Variants in ITCH observed in about 807,000 individuals in gnomAD.
ITCH encodes the protein itchy E3 ubiquitin protein ligase.
A neutral mutation model predicts 126.8 loss-of-function variants in ITCH; 28 were observed. That is an observed-to-expected ratio of 0.22 (90% CI 0.16 to 0.30). The LOEUF is 0.30. Among genes scored for constraint, ITCH ranks in the 10% least tolerant of loss-of-function variants. ITCH has a pLI of 1.00. For synonymous variants in ITCH, 342 were observed against 340.0 expected (o/e 1.01, Z -0.06); for missense variants, 631 against 1,032.4 (o/e 0.61, Z 5.33).
chr20:34,492,373 G>A, intron 22 of ITCH, 128 bp from the exon 23 acceptor site: 1 of 617,814 alleles, frequency 1.6e-6, no homozygotes, highest in South Asian at 1.8e-5. Context: ...CCCCAGCCTG[G>A]GCCACAGAGC....
intron 2 of ITCH, among the ~76,000 whole-genome samples, chr20:34,385,086 C>T (rs1285640493): frequency 1.3e-5 from 2 of 151,754 alleles, no homozygotes; most frequent in South Asian, 2.1e-4. Context: ...GTGATCTCAG[C>T]TCACTGTAAC....
intron 23 of ITCH, among the ~76,000 whole-genome samples, chr20:34,496,813 A>AG (rs1010869105): frequency 1.3e-5 from 2 of 151,792 alleles, no homozygotes; most frequent in African/African-American, 4.8e-5. Flanking sequence ...CAAAAAAAAA[A>AG]AAAAAAAAGA....
At position 34,440,222 on chromosome 20, in the gene ITCH, GACAAAT is replaced by G. The variant is rs752161809; in HGVS notation, c.763_768del (p.Asn255_Thr256del). 188 of 1,613,320 alleles carry G rather than the reference GACAAAT, an allele frequency of 1.2e-4. No homozygotes were observed. Among genetic ancestry groups the G allele is most frequent in the Middle Eastern group, 1.6e-4 (1 of 6,084 alleles). ...GGTCTAGTACAGGCTCTCTGCCGCC[GACAAAT>G]ACAAATACAAATACATCTGAAGGAG... On this transcript the variant is annotated inframe_deletion, in exon 9 of 25. Coordinates refer to ENST00000374864, the MANE Select transcript of ITCH (RefSeq NM_031483.7).
intron 6 of ITCH, among the ~76,000 whole-genome samples, chr20:34,421,331 G>A (rs929238784): frequency 3.9e-5 from 6 of 152,158 alleles, no homozygotes; most frequent in Admixed American, 3.3e-4. Flanking sequence ...AAATAGGAAC[G>A]ATGTGTTAAA....
chr20:34,394,930 T>G (rs2038620071), intron 3 of ITCH, among the ~76,000 whole-genome samples: 1 of 151,844 alleles, frequency 6.6e-6, no homozygotes. Context: ...CAGGTCCAGG[T>G]CTGTTAAAAG....
chr20:34,428,410 G>T (rs1267778506), intron 7 of ITCH, among the ~76,000 whole-genome samples: 1 of 152,098 alleles, frequency 6.6e-6, no homozygotes, highest in Non-Finnish European at 1.5e-5. Flanking sequence ...TTCAAGCACT[G>T]TCTGTATCAT....
At chr20:34,400,978 C>G (rs928051027) in intron 3 of ITCH, among the ~76,000 whole-genome samples, 17 of 152,068 alleles carry the variant, frequency 1.1e-4, no homozygotes, top group African/African-American at 4.1e-4. Context: ...AGGCTGGTCT[C>G]AAAATCCTGA....
chr20:34,499,094 C>T (rs928852004), intron 23 of ITCH, among the ~76,000 whole-genome samples: 9 of 151,428 alleles, frequency 5.9e-5, no homozygotes, highest in Non-Finnish European at 8.8e-5. Flanking sequence ...CCTGCCTCAG[C>T]CTCCCGAGTA....
At chr20:34,461,986 G>A (rs2146374565) in intron 13 of ITCH, 107 bp from the exon 14 acceptor site, 4 of 1,138,568 alleles carry the variant, frequency 3.5e-6, no homozygotes, top group Non-Finnish European at 5.2e-6. Context: ...GAACTGAATG[G>A]TTTTCTAAAA....
chr20:34,396,035 ATT>A (rs1240470718), intron 3 of ITCH, among the ~76,000 whole-genome samples: 11 of 136,692 alleles, frequency 8.0e-5, no homozygotes, highest in South Asian at 2.3e-4. Context: ...TATTATTATT[ATT>A]TTTTTTTTTT....
At chr20:34,464,857 C>T (rs1025089215) in intron 14 of ITCH, among the ~76,000 whole-genome samples, 4 of 151,924 alleles carry the variant, frequency 2.6e-5, no homozygotes, top group Admixed American at 1.3e-4. Context: ...GTTTTAGCTA[C>T]GCACCAACAC....
chr20:34,407,227 C>T (rs985397806), intron 3 of ITCH, among the ~76,000 whole-genome samples: 6 of 152,118 alleles, frequency 3.9e-5, no homozygotes, highest in Admixed American at 2.0e-4. Flanking sequence ...TCTTATTCTT[C>T]CATTGGCTTT....
At chr20:34,454,992 G>C (rs549746155) in intron 12 of ITCH, among the ~76,000 whole-genome samples, 1 of 151,802 alleles carries the variant, frequency 6.6e-6, no homozygotes, top group African/African-American at 2.4e-5. Flanking sequence ...ACCATGCCCA[G>C]CTAATTTTTG....
intron 1 of ITCH, among the ~76,000 whole-genome samples, chr20:34,368,421 G>GT (rs11482479): frequency 0.56 from 82,605 of 148,484 alleles, 23,227 homozygotes; most frequent in African/African-American, 0.65. Flanking sequence ...AGTATGTAAG[G>GT]TTTTTTTTTT....
At chr20:34,475,348 A>G (rs1292148027) in intron 16 of ITCH, among the ~76,000 whole-genome samples, 1 of 152,080 alleles carries the variant, frequency 6.6e-6, no homozygotes, top group South Asian at 2.1e-4. Context: ...ACGCCACTGC[A>G]CTCCAGCCTG....
intron 16 of ITCH, among the ~76,000 whole-genome samples, chr20:34,477,390 C>T (rs549715795): frequency 8.5e-4 from 130 of 152,168 alleles, no homozygotes; most frequent in Non-Finnish European, 1.7e-3. Context: ...ATTAGCCGGG[C>T]GTGGTGGCGC....
At chr20:34,488,404 GAA>G (rs1265995502) in intron 20 of ITCH, among the ~76,000 whole-genome samples, 1 of 152,070 alleles carries the variant, frequency 6.6e-6, no homozygotes, top group Admixed American at 6.6e-5. Flanking sequence ...GACAAATACT[GAA>G]GTATTTGTTC....
chr20:34,391,925 A>G (rs1239794251), intron 2 of ITCH, among the ~76,000 whole-genome samples: 1 of 152,212 alleles, frequency 6.6e-6, no homozygotes. Flanking sequence ...AATAATTTAT[A>G]CTGTACTATT....
intron 24 of ITCH, among the ~76,000 whole-genome samples, chr20:34,507,285 T>TTG (rs1990690718): frequency 9.8e-6 from 1 of 102,502 alleles, no homozygotes; most frequent in African/African-American, 3.6e-5. Context: ...TTTTTTTTTT[T>TTG]TTTTGGTTGT....
Sources: gnomAD v4.1 joint callset for allele counts (sites outside exome capture counted in the v4.1 genomes callset) on GRCh38, gnomAD v4.1.1 for gene constraint, MANE v1.5 for transcripts, NCBI Gene and HGNC (gene_info 2026-07-23, HGNC 2026-07-21) for gene names.